Variants in HM13 observed in about 807,000 individuals in gnomAD.
The protein encoded by HM13 is histocompatibility minor 13.
In HM13, 18 loss-of-function variants were observed where a neutral mutation model predicts 50.0. That is an observed-to-expected ratio of 0.36 (90% CI 0.25 to 0.53). HM13 has a LOEUF of 0.53. Ranked by LOEUF, HM13 falls within the 20% of genes least tolerant of loss-of-function variation. The pLI is 0.90. For synonymous variants in HM13, 197 were observed against 232.6 expected, an observed-to-expected ratio of 0.85 and a Z score of 1.39; for missense variants, 393 against 552.4, an observed-to-expected ratio of 0.71 and a Z score of 2.89.
Position 31,527,489 on chromosome 20 carries a change from T to C in HM13, c.189T>C (p.Ala63=), listed in dbSNP as rs778961027. 1.2e-6 allele frequency: 2 copies of C among 1,613,388 alleles called. No individual in the cohort carries two copies. The highest frequency in any genetic ancestry group is 3.3e-5 in the Admixed American group (2 of 59,998). ...RSVRCARGKN[A]SDMPETITSR... ...GTCATTCTTCTCTCCTCTAGAATGC[T>C]TCAGACATGCCTGAAACAATCACCA... is the stretch of plus-strand genomic sequence containing the variant. Residue 63 remains alanine, a synonymous_variant, in exon 2 of 13, where the codon GCT becomes GCC. Coordinates refer to ENST00000398174, the MANE Select transcript of HM13 (RefSeq NM_178581.3).
chr20:31,554,553 G>A (rs1321785039), intron 7 of HM13, 193 bp from the exon 8 acceptor site: 2 of 527,366 alleles, frequency 3.8e-6, no homozygotes, highest in East Asian at 6.6e-5. Context: ...GCGGTGGTGG[G>A]CGCCTGTAGT....
At chr20:31,519,455 A>G (rs557396629) in intron 1 of HM13, among the ~76,000 whole-genome samples, 45 of 152,286 alleles carry the variant, frequency 3.0e-4, no homozygotes, top group South Asian at 1.0e-3. Flanking sequence ...TGCAGATCCA[A>G]TCATGTCAGT....
chr20:31,538,643 G>A (rs1030538698), intron 3 of HM13: 35 of 1,166,364 alleles, frequency 3.0e-5, no homozygotes, highest in African/African-American at 6.3e-5. Context: ...ATCGTGTTTC[G>A]TAAGGAGCCA....
chr20:31,556,954 G>T (rs1984343204), intron 8 of HM13, among the ~76,000 whole-genome samples: 1 of 149,838 alleles, frequency 6.7e-6, no homozygotes, highest in Non-Finnish European at 1.5e-5. Flanking sequence ...GGGAGGTGGA[G>T]CTTGCAGTGA....
At chr20:31,543,059 T>TC (rs927716095) in intron 3 of HM13, among the ~76,000 whole-genome samples, 2 of 151,996 alleles carry the variant, frequency 1.3e-5, no homozygotes, top group Admixed American at 1.3e-4. Context: ...GGCTTCAGAC[T>TC]CCCCCAAAAC....
chr20:31,546,652 G>T (rs908049879), intron 4 of HM13, among the ~76,000 whole-genome samples: 1 of 151,920 alleles, frequency 6.6e-6, no homozygotes, highest in Non-Finnish European at 1.5e-5. Flanking sequence ...TACTCGGGAG[G>T]CTGAGGCAGG....
At position 31,568,236 on chromosome 20, in the gene HM13, C is replaced by T. The variant is rs997865704; in HGVS notation, c.1181+12C>T. 11 of 1,610,580 alleles carry T rather than the reference C, an allele frequency of 6.8e-6. No individual in the cohort carries two copies. The highest frequency in any genetic ancestry group is 4.5e-5 in the East Asian group (2 of 44,854). ...AATCCCAGCGCCATGTAATGCCCAG[C>T]GGGTGCCCACCTGCCCGCTTCCCCC... On this transcript the variant is annotated intron_variant, in intron 12 of 12. Transcript: ENST00000398174.
chr20:31,564,548 G>A (rs891849122), intron 10 of HM13, among the ~76,000 whole-genome samples: 29 of 151,892 alleles, frequency 1.9e-4, no homozygotes, highest in Non-Finnish European at 2.5e-4. Context: ...CTGCACTTCC[G>A]TCTGGGAGAC....
At chr20:31,521,919 C>A (rs1192528712) in intron 1 of HM13, among the ~76,000 whole-genome samples, 1 of 146,842 alleles carries the variant, frequency 6.8e-6, no homozygotes, top group Non-Finnish European at 1.5e-5. Flanking sequence ...GTCTCAAACT[C>A]CTGGGCTCAA....
At chr20:31,518,193 G>A (rs1490742110) in intron 1 of HM13, among the ~76,000 whole-genome samples, 6 of 151,426 alleles carry the variant, frequency 4.0e-5, no homozygotes, top group Admixed American at 2.0e-4. Context: ...GCACCACCAC[G>A]CCTGGCTAAT....
In HM13 at chr20:31,569,100, G is replaced by GTTT. The variant is rs72290697; in HGVS notation, c.1182-9_1182-7dup. ...CTCCTCTAAATGAATTTTTATTGTT[G>GTTT]TTTTTTTTTTTTTGGTCAGTTATGA... On this transcript the variant is annotated intron_variant, in intron 12 of 12. Coordinates refer to ENST00000398174, the MANE Select transcript of HM13 (RefSeq NM_178581.3). 322 of 1,189,362 alleles carry GTTT rather than the reference G, an allele frequency of 2.7e-4. 1 individual carries two copies. The highest frequency in any genetic ancestry group is 8.2e-4 in the African/African-American group (51 of 62,166). The allele number at this position is 1,189,362 out of a possible 1,614,324, so 73.7% of individuals were successfully genotyped here.
chr20:31,525,950 A>G (rs1982463707), intron 1 of HM13, among the ~76,000 whole-genome samples: 1 of 151,714 alleles, frequency 6.6e-6, no homozygotes, highest in East Asian at 2.0e-4. Flanking sequence ...ACATTGTGAA[A>G]CCCCCTCTCT....
chr20:31,551,025 A>G (rs780048188), intron 7 of HM13, among the ~76,000 whole-genome samples: 7 of 152,210 alleles, frequency 4.6e-5, no homozygotes, highest in Non-Finnish European at 8.8e-5. Context: ...CATATATAAA[A>G]CTACCTTCAA....
intron 1 of HM13, among the ~76,000 whole-genome samples, chr20:31,524,368 T>A (rs1982358264): frequency 6.6e-6 from 1 of 152,246 alleles, no homozygotes; most frequent in Non-Finnish European, 1.5e-5. Context: ...ATACCTTGGA[T>A]ACACTTTATG....
chr20:31,531,853 C>T (rs1199246802), intron 2 of HM13, among the ~76,000 whole-genome samples: 1 of 152,126 alleles, frequency 6.6e-6, no homozygotes, highest in Admixed American at 6.5e-5. Context: ...CCCAGCTACT[C>T]AGGAGATTGA....
chr20:31,525,945 G>A (rs1982463325), intron 1 of HM13, among the ~76,000 whole-genome samples: 1 of 151,896 alleles, frequency 6.6e-6, no homozygotes. Flanking sequence ...GGCCGACATT[G>A]TGAAACCCCC....
Position 31,527,513 on chromosome 20 carries a change from C to T in HM13, c.213C>T (p.Thr71=), listed in dbSNP as rs746821355. ...KNASDMPETI[T]SRDAARFPII... ...CTTCAGACATGCCTGAAACAATCAC[C>T]AGCCGGGATGCCGCCCGCTTCCCCA... The change falls in exon 2 of 13, where the codon ACC becomes ACT. Residue 71 remains threonine, a synonymous_variant. Coordinates refer to ENST00000398174, the MANE Select transcript of HM13 (RefSeq NM_178581.3). 1 of 1,613,932 alleles carries T rather than the reference C, an allele frequency of 6.2e-7. No homozygotes were observed. Among genetic ancestry groups the T allele is most frequent in the African/African-American group, 1.3e-5 (1 of 74,908 alleles).
chr20:31,517,072 C>T (rs1981833303), intron 1 of HM13, among the ~76,000 whole-genome samples: 1 of 152,090 alleles, frequency 6.6e-6, no homozygotes, highest in African/African-American at 2.4e-5. Flanking sequence ...AAGGACAGGG[C>T]AAATGACTCC....
In HM13 at chr20:31,561,730, T is replaced by C. The variant is rs756879159; in HGVS notation, c.942T>C (p.His314=). The C allele has an allele frequency of 6.9e-6, 11 of 1,605,686 alleles. No homozygotes were observed. The highest frequency in any genetic ancestry group is 8.5e-6 in the Non-Finnish European group (10 of 1,172,260). ...LTIFIMHIFK[H]AQPALLYLVP... is the part of the protein sequence containing the mutation. ...TCTTCATCATGCACATCTTCAAGCATGCTCAGGTGGGCAGGACGGTATCAG... is the reference window on the plus strand; with the variant it reads ...TCTTCATCATGCACATCTTCAAGCACGCTCAGGTGGGCAGGACGGTATCAG... The change falls in exon 10 of 13, where the codon CAT becomes CAC. Residue 314 remains histidine, a synonymous_variant. Coordinates refer to ENST00000398174, the MANE Select transcript of HM13 (RefSeq NM_178581.3).
Sources: gnomAD v4.1 joint callset for allele counts (sites outside exome capture counted in the v4.1 genomes callset) on GRCh38, gnomAD v4.1.1 for gene constraint, MANE v1.5 for transcripts, NCBI Gene and HGNC (gene_info 2026-07-23, HGNC 2026-07-21) for gene names.